Variants in CDKL1 observed in about 807,000 individuals in gnomAD.
CDKL1 encodes the protein cyclin-dependent kinase-like 1.
In CDKL1, 41 loss-of-function variants were observed where a neutral mutation model predicts 42.0. The ratio of observed to expected loss-of-function variants is 0.98; its 90% CI spans 0.76 to 1.27. The LOEUF (loss-of-function observed/expected upper bound fraction) is 1.27, where lower values mean the gene tolerates loss of function less well. Among genes scored for constraint, CDKL1 ranks in the 50% most tolerant of loss-of-function variants. The pLI is 0.00. For missense variants in CDKL1, 394 were observed against 428.4 expected (o/e 0.92, Z 0.71); for synonymous variants, 153 against 158.6 (o/e 0.96, Z 0.26).
Position 50,334,621 on chromosome 14 carries a change from C to G in CDKL1, c.739G>C (p.Glu247Gln). 6.3e-7 allele frequency: 1 copy of G among 1,581,296 alleles called. No individual in the cohort carries two copies. Among genetic ancestry groups the G allele is most frequent in the Non-Finnish European group, 8.7e-7 (1 of 1,150,236 alleles). Residue 247 changes from glutamate to glutamine, a missense_variant and splice_region_variant, in exon 8 of 10, where the codon GAA (glutamate) becomes CAA (glutamine). Coordinates refer to ENST00000395834, the MANE Select transcript of CDKL1 (RefSeq NM_004196.7). ...GVKIPDPEDM[E>Q]PLELKFPNIS... ...TTTGGGAATTTTAATTCAAGTGGTT[C>G]CTGTTGAAAAGAAAAGAGGTTTTTA...
intron 2 of CDKL1, among the ~76,000 whole-genome samples, chr14:50,360,977 G>C (rs1023911265): frequency 6.6e-6 from 1 of 152,132 alleles, no homozygotes; most frequent in African/African-American, 2.4e-5. Context: ...CCACCTTTTA[G>C]CTATCGTGAA....
At chr14:50,361,175 G>T (rs2034236418) in intron 2 of CDKL1, among the ~76,000 whole-genome samples, 1 of 152,150 alleles carries the variant, frequency 6.6e-6, no homozygotes, top group Non-Finnish European at 1.5e-5. Flanking sequence ...AAAGGTAAAA[G>T]GAGGAAAATT....
intron 2 of CDKL1, among the ~76,000 whole-genome samples, chr14:50,385,798 C>T (rs1248513262): frequency 2.6e-5 from 3 of 116,070 alleles, no homozygotes; most frequent in African/African-American, 3.5e-5. Flanking sequence ...AGCAAGACTC[C>T]GTCCCAAAAA....
intron 2 of CDKL1, among the ~76,000 whole-genome samples, chr14:50,372,505 T>C (rs2034618772): frequency 6.6e-6 from 1 of 152,264 alleles, no homozygotes; most frequent in Non-Finnish European, 1.5e-5. Flanking sequence ...GGTTGTTTCT[T>C]TACAGTGTTG....
chr14:50,392,399 T>C (rs1179905865), intron 2 of CDKL1, among the ~76,000 whole-genome samples: 2 of 151,608 alleles, frequency 1.3e-5, no homozygotes, highest in African/African-American at 2.4e-5. Context: ...TGAGCTGAGA[T>C]TGTGCCACTG....
chr14:50,358,034 G>C, intron 3 of CDKL1: 2 of 1,354,180 alleles, frequency 1.5e-6, no homozygotes, highest in Non-Finnish European at 2.0e-6. Context: ...CCTGCAAGAG[G>C]CTGCCCTCAA....
At chr14:50,372,003 C>T (rs1029852126) in intron 2 of CDKL1, among the ~76,000 whole-genome samples, 10 of 152,224 alleles carry the variant, frequency 6.6e-5, no homozygotes, top group African/African-American at 2.2e-4. Flanking sequence ...CTTTGGACAC[C>T]ACTGAGCATA....
intron 2 of CDKL1, among the ~76,000 whole-genome samples, chr14:50,376,761 C>A (rs957292361): frequency 1.3e-5 from 2 of 152,130 alleles, no homozygotes; most frequent in African/African-American, 4.8e-5. Context: ...CTCTGCTCTG[C>A]TGGACACTAC....
At chr14:50,353,596 A>T (rs1595303459) in intron 3 of CDKL1, among the ~76,000 whole-genome samples, 1 of 152,332 alleles carries the variant, frequency 6.6e-6, no homozygotes, top group East Asian at 1.9e-4. Flanking sequence ...ATAGAAAATA[A>T]CTGGAAACAA....
At chr14:50,371,027 T>C (rs2034576596) in intron 2 of CDKL1, among the ~76,000 whole-genome samples, 1 of 152,242 alleles carries the variant, frequency 6.6e-6, no homozygotes, top group Admixed American at 6.5e-5. Flanking sequence ...GTGCCTGGCT[T>C]ACTCAGCAGC....
chr14:50,365,201 C>G (rs2139471692), intron 2 of CDKL1, among the ~76,000 whole-genome samples: 1 of 152,170 alleles, frequency 6.6e-6, no homozygotes, highest in South Asian at 2.1e-4. Context: ...AGGAGTATGA[C>G]AGTATTTTTA....
chr14:50,385,115 T>C (rs530513889), intron 2 of CDKL1, among the ~76,000 whole-genome samples: 61 of 136,848 alleles, frequency 4.5e-4, no homozygotes, highest in African/African-American at 1.6e-3. Flanking sequence ...AAAAGAACCA[T>C]TGGGTGAAAG....
rs138572340 is a variant in CDKL1, at chr14:50,392,489, A to AATAATAATAATG, written c.168+3211_168+3212insCATTATTATTAT. 3.9e-3 allele frequency among the ~76,000 whole-genome samples: 580 copies of AATAATAATAATG among 147,268 alleles called. 2 individuals are homozygous for AATAATAATAATG. Among genetic ancestry groups the AATAATAATAATG allele is most frequent in the Middle Eastern group, 0.011 (3 of 276 alleles). ...TAATAATAATAATAATAATAATAAT[A>AATAATAATAATG]ATGAAAGAACATTGTTCTATGGGGT... On this transcript the variant is annotated intron_variant, in intron 2 of 9. Coordinates refer to ENST00000395834, the MANE Select transcript of CDKL1 (RefSeq NM_004196.7).
At chr14:50,362,965 G>T (rs970825206) in intron 2 of CDKL1, 3 of 465,450 alleles carry the variant, frequency 6.4e-6, no homozygotes, top group Non-Finnish European at 8.9e-6. Flanking sequence ...TCACGCTTTG[G>T]GTCCGCACTG....
chr14:50,361,791 T>C (rs2034256014), intron 2 of CDKL1, among the ~76,000 whole-genome samples: 1 of 152,244 alleles, frequency 6.6e-6, no homozygotes, highest in Admixed American at 6.5e-5. Context: ...GACAGCATGC[T>C]GGCAGCCCTG....
intron 2 of CDKL1, among the ~76,000 whole-genome samples, chr14:50,384,796 C>T (rs1054508500): frequency 3.3e-5 from 5 of 151,536 alleles, no homozygotes; most frequent in African/African-American, 7.3e-5. Flanking sequence ...CCGGCTATGG[C>T]GGCTCGGTTC....
In CDKL1 at chr14:50,329,202, G is replaced by A. The variant is rs927529019; in HGVS notation, c.*872C>T. 3 of 152,000 alleles carry A rather than the reference G, an allele frequency of 2.0e-5. No individual in the cohort carries two copies. The highest frequency in any genetic ancestry group is 7.3e-5 in the African/African-American group (3 of 41,378). The allele number at this position is 152,000 out of a possible 1,614,324, so 9.4% of individuals were successfully genotyped here. A position where few individuals can be genotyped will look rare whatever the true frequency, so the allele number is the denominator to read the frequency against. On this transcript the variant is annotated 3_prime_UTR_variant, in exon 10 of 10. Transcript: ENST00000395834. The stretch of plus-strand genomic sequence containing the variant: ...TGAAACCCAGATCACTGAATTACAG[G>A]TTTGCCTATAGATGTACCAGGTCAA...
intron 2 of CDKL1, chr14:50,378,149 A>G: frequency 7.3e-7 from 1 of 1,363,962 alleles, no homozygotes; most frequent in Non-Finnish European, 9.8e-7. Context: ...ACTCAGTTCC[A>G]TTGCTGTAGG....
rs2033059202 is a variant in CDKL1 at position 50,333,089 on chromosome 14, A to G, written c.796-657T>C. ...TGGATAGATTAGATTAAATTTCACA[A>G]CTACATACTCCAAGGAATTGACTCA... is the stretch of plus-strand genomic sequence containing the variant. On this transcript the variant is annotated intron_variant, in intron 8 of 9. Coordinates refer to ENST00000395834, the MANE Select transcript of CDKL1 (RefSeq NM_004196.7). 1.9e-5 allele frequency: 3 copies of G among 156,704 alleles called. No homozygotes were observed. The Admixed American group carries it at 1.9e-4, about 10-fold the overall frequency. The allele number at this position is 156,704 out of a possible 1,614,324, so 9.7% of individuals were successfully genotyped here.
Sources: gnomAD v4.1 joint callset for allele counts (sites outside exome capture counted in the v4.1 genomes callset) on GRCh38, gnomAD v4.1.1 for gene constraint, MANE v1.5 for transcripts, NCBI Gene and HGNC (gene_info 2026-07-23, HGNC 2026-07-21) for gene names.